CARF: variants seen among roughly 807,000 people sequenced by gnomAD.
The protein encoded by CARF is calcium-responsive transcription factor.
CARF carries 57 observed loss-of-function variants against 82.0 expected under a neutral mutation model. The observed-to-expected ratio is 0.70, with a 90% CI of 0.56 to 0.87. The LOEUF is 0.87. Among genes scored for constraint, CARF ranks in the 40% least tolerant of loss-of-function variants. The pLI is 0.00. For synonymous variants in CARF, 268 were observed against 290.1 expected (o/e 0.92, Z 0.77); for missense variants, 771 against 855.8 (o/e 0.90, Z 1.24).
chr2:202,976,463 C>A (rs372370933), intron 13 of CARF, among the ~76,000 whole-genome samples: 7 of 152,092 alleles, frequency 4.6e-5, no homozygotes, highest in African/African-American at 1.7e-4. Flanking sequence ...CGTGAGCCAC[C>A]ACACCCGACC....
intron 9 of CARF, chr2:202,962,853 C>G (rs1048226094): frequency 1.3e-5 from 2 of 151,982 alleles, no homozygotes; most frequent in Non-Finnish European, 2.9e-5. Context: ...TTCTATTGAT[C>G]ATCATTTAGG....
At chr2:202,942,149 G>A (rs184530563) in intron 4 of CARF, among the ~76,000 whole-genome samples, 169 bp downstream of exon 4, 165 of 152,182 alleles carry the variant, frequency 1.1e-3, no homozygotes, top group African/African-American at 3.8e-3. Context: ...TGAGGCGGGC[G>A]TATCACCTGA....
chr2:202,932,919 C>T (rs1319759034), intron 3 of CARF, among the ~76,000 whole-genome samples: 1 of 152,120 alleles, frequency 6.6e-6, no homozygotes, highest in East Asian at 1.9e-4. Flanking sequence ...GGATGGGCAG[C>T]TGCTCAACTT....
intron 3 of CARF, among the ~76,000 whole-genome samples, chr2:202,929,232 A>G (rs905320951): frequency 1.3e-5 from 2 of 152,276 alleles, no homozygotes; most frequent in East Asian, 3.9e-4. Context: ...TTTGCTTTTG[A>G]GGTCTTAGCC....
intron 3 of CARF, among the ~76,000 whole-genome samples, chr2:202,937,279 T>C (rs774312706): frequency 2.0e-5 from 3 of 152,200 alleles, no homozygotes; most frequent in Non-Finnish European, 2.9e-5. Context: ...ACATGCATTT[T>C]TTTTAGTTCT....
chr2:202,982,438 C>T lies in CARF; in HGVS notation c.2056C>T (p.Leu686Phe). The change falls in exon 16 of 17, where the codon CTT becomes TTT. Residue 686 changes from leucine to phenylalanine, a missense_variant. Physicochemically the swap from Leu to Phe is conservative, Grantham distance 22. Coordinates refer to ENST00000438828, the MANE Select transcript of CARF (RefSeq NM_024744.17). The stretch of plus-strand genomic sequence containing the variant: ...ACAGATTATAGACAACCACTCAGCT[C>T]TTAGTAAGTTGAAATCAATTTATGA... ...PIQIIDNHSA[L>F]IEENPESTIS... is the part of the protein sequence containing the mutation. 1 of 1,613,674 alleles carries T rather than the reference C, an allele frequency of 6.2e-7. No homozygotes were observed. Among genetic ancestry groups the T allele is most frequent in the Non-Finnish European group, 8.5e-7 (1 of 1,179,910 alleles).
chr2:202,943,260 GAC>G (rs1276861087), intron 5 of CARF, among the ~76,000 whole-genome samples: 1 of 152,014 alleles, frequency 6.6e-6, no homozygotes, highest in Non-Finnish European at 1.5e-5. Flanking sequence ...TTTTAATAGA[GAC>G]AGGATTTCAC....
At chr2:202,974,618 G>A in intron 13 of CARF, 122 bp downstream of exon 13, 1 of 914,890 alleles carries the variant, frequency 1.1e-6, no homozygotes. Context: ...AATACAATAG[G>A]CCGGGCGTGG....
chr2:202,969,392 A>G (rs543641644), intron 10 of CARF, among the ~76,000 whole-genome samples: 1 of 152,024 alleles, frequency 6.6e-6, no homozygotes, highest in South Asian at 2.1e-4. Context: ...CCTGACCAAC[A>G]TGGAAAAACC....
intron 3 of CARF, among the ~76,000 whole-genome samples, chr2:202,931,172 A>G (rs189948637): frequency 6.6e-6 from 1 of 151,900 alleles, no homozygotes; most frequent in Non-Finnish European, 1.5e-5. Flanking sequence ...GGGTTTCTCC[A>G]TGTTGGCCAG....
Position 202,921,785 on chromosome 2 carries a change from T to C in CARF, c.-162-2512T>C, listed in dbSNP as rs550916774. 5.9e-5 allele frequency among the ~76,000 whole-genome samples: 9 copies of C among 152,334 alleles called. No individual in the cohort carries two copies. The South Asian group carries it at 1.9e-3, about 32-fold the overall frequency. On this transcript the variant is annotated intron_variant, in intron 2 of 16. Coordinates refer to ENST00000438828, the MANE Select transcript of CARF (RefSeq NM_024744.17). ...CTGATGTTGCTATATTAACATAATA[T>C]TTGTTTTAATGACATAAACAATAAA...
chr2:202,977,452 A>T (rs1362524790), intron 14 of CARF, 120 bp downstream of exon 14: 2 of 711,798 alleles, frequency 2.8e-6, no homozygotes, highest in East Asian at 5.1e-5. Flanking sequence ...CCAAAGACGT[A>T]GGAGCAGCTA....
chr2:202,969,872 T>A, intron 10 of CARF, 47 bp from the exon 11 acceptor site: 2 of 1,207,280 alleles, frequency 1.7e-6, no homozygotes, highest in South Asian at 3.5e-5. Context: ...TAGATTATCT[T>A]GAGATTATAA....
intron 2 of CARF, among the ~76,000 whole-genome samples, chr2:202,923,976 C>T (rs1472841885): frequency 6.6e-6 from 1 of 152,208 alleles, no homozygotes; most frequent in African/African-American, 2.4e-5. Context: ...AAAATCAACT[C>T]AAGATGGATT....
chr2:202,968,374 C>T (rs569278335), intron 10 of CARF, among the ~76,000 whole-genome samples: 1 of 152,144 alleles, frequency 6.6e-6, no homozygotes, highest in Admixed American at 6.5e-5. Context: ...TGCACTCCAG[C>T]CTGGGCAACA....
intron 13 of CARF, among the ~76,000 whole-genome samples, chr2:202,976,274 AAGCTATTCTCCTGCCTC>A (rs1444170507): frequency 6.6e-6 from 1 of 151,554 alleles, no homozygotes; most frequent in Non-Finnish European, 1.5e-5. Flanking sequence ...TCCCAGGTTC[AAGCTATTCTCCTGCCTC>A]AGCCTCCCAA....
chr2:202,951,063 T>C (rs1378091235), intron 5 of CARF, among the ~76,000 whole-genome samples: 1 of 152,224 alleles, frequency 6.6e-6, no homozygotes, highest in Non-Finnish European at 1.5e-5. Context: ...CCCTTTTTTT[T>C]TGAGACAAGG....
intron 5 of CARF, among the ~76,000 whole-genome samples, 185 bp downstream of exon 5, chr2:202,943,152 ACCTCT>A (rs2058313447): frequency 6.6e-6 from 1 of 151,998 alleles, no homozygotes; most frequent in African/African-American, 2.4e-5. Flanking sequence ...GTTCACTGCA[ACCTCT>A]GCCTTCCGAG....
intron 3 of CARF, among the ~76,000 whole-genome samples, chr2:202,929,696 G>C (rs1017911021): frequency 3.3e-5 from 5 of 152,036 alleles, no homozygotes; most frequent in South Asian, 2.1e-4. Flanking sequence ...CAAATTTTAA[G>C]GTTTTTGTTG....
Sources: allele counts gnomAD v4.1 joint callset (sites outside exome capture counted in the v4.1 genomes callset), GRCh38; gene constraint gnomAD v4.1.1; transcripts MANE v1.5; gene names NCBI Gene and HGNC (gene_info 2026-07-23, HGNC 2026-07-21).